The following PTGER3 variants were observed in gnomAD, a reference collection of about 807,000 sequenced individuals.
PTGER3 encodes prostaglandin E2 receptor EP3 subtype.
In PTGER3, 22 loss-of-function variants were observed where a neutral mutation model predicts 34.7. The observed-to-expected ratio is 0.63, with a 90% CI of 0.45 to 0.91. The LOEUF is 0.91. PTGER3 is among the 40% of genes least tolerant of loss of function. PTGER3 has a pLI of 0.00. For synonymous variants in PTGER3, 241 were observed against 230.1 expected (o/e 1.05, Z -0.43); for missense variants, 468 against 519.4 (o/e 0.90, Z 0.96).
At chr1:71,036,496 G>A (rs1360241929) in intron 1 of PTGER3, among the ~76,000 whole-genome samples, 2 of 151,998 alleles carry the variant, frequency 1.3e-5, no homozygotes, top group Non-Finnish European at 2.9e-5. Flanking sequence ...TAGCCTGGGT[G>A]ACAGAGCAAG....
intron 2 of PTGER3, among the ~76,000 whole-genome samples, chr1:70,964,672 T>C (rs1652322418): frequency 6.6e-6 from 1 of 152,190 alleles, no homozygotes; most frequent in Non-Finnish European, 1.5e-5. Context: ...AAGATGAGAT[T>C]TGGGCAGGGA....
In PTGER3 at chr1:70,917,441, G is replaced by GTGTGTGTGTA. The variant is rs376536515; in HGVS notation, c.*23+36321_*23+36322insTACACACACA. 6.9e-3 allele frequency among the ~76,000 whole-genome samples: 945 copies of GTGTGTGTGTA among 137,404 alleles called. 5 individuals carry two copies. Among genetic ancestry groups the GTGTGTGTGTA allele is most frequent in the African/African-American group, 0.028 (904 of 32,142 alleles). 90.1% of individuals were successfully genotyped at this position (137,404 alleles called of 152,430 possible). On this transcript the variant is annotated intron_variant, in intron 4 of 4. Coordinates refer to the PTGER3 transcript ENST00000370931. ...TGTGTGTGTGTGTGTGTGTGTGTGT[G>GTGTGTGTGTA]TATACAATCAATTCCATAGAATGGC...
intron 1 of PTGER3, among the ~76,000 whole-genome samples, chr1:71,015,663 C>T (rs918975717): frequency 6.6e-6 from 1 of 152,134 alleles, no homozygotes; most frequent in African/African-American, 2.4e-5. Context: ...CATAGGATTT[C>T]TGGTATTGCC....
chr1:71,036,000 C>G (rs966191827), intron 1 of PTGER3, among the ~76,000 whole-genome samples: 3 of 152,238 alleles, frequency 2.0e-5, no homozygotes, highest in African/African-American at 7.2e-5. Flanking sequence ...TCATAAAGTG[C>G]TCGTTTTTGA....
At chr1:70,948,041 G>T (rs1228053275), downstream of PTGER3, among the ~76,000 whole-genome samples, 2 of 152,148 alleles carry the variant, frequency 1.3e-5, no homozygotes, top group Non-Finnish European at 2.9e-5. Flanking sequence ...TGATGAAATG[G>T]TAGAGGTTTC....
At chr1:70,871,524 G>T (rs1646163387) in intron 4 of PTGER3, among the ~76,000 whole-genome samples, 2 of 152,108 alleles carry the variant, frequency 1.3e-5, no homozygotes. Context: ...GGTATTCCTG[G>T]TATTGAGTTC....
At chr1:70,883,546 T>C (rs1646436503) in intron 4 of PTGER3, among the ~76,000 whole-genome samples, 1 of 152,218 alleles carries the variant, frequency 6.6e-6, no homozygotes, top group African/African-American at 2.4e-5. Flanking sequence ...TTCTCTTAAA[T>C]GTTACAAGTA....
At chr1:70,920,030 CT>C (rs1647377821) in intron 4 of PTGER3, among the ~76,000 whole-genome samples, 1 of 152,238 alleles carries the variant, frequency 6.6e-6, no homozygotes, top group African/African-American at 2.4e-5. Flanking sequence ...ATTTTCTTGT[CT>C]TTTGCAAATA....
At chr1:70,882,525 C>A (rs1317721003) in intron 4 of PTGER3, among the ~76,000 whole-genome samples, 4 of 152,218 alleles carry the variant, frequency 2.6e-5, no homozygotes, top group Admixed American at 1.3e-4. Context: ...TTCTCCCAGA[C>A]ACTGCAAATG....
intron 4 of PTGER3, among the ~76,000 whole-genome samples, chr1:70,885,958 C>A (rs954588686): frequency 1.3e-5 from 2 of 152,086 alleles, no homozygotes; most frequent in Non-Finnish European, 2.9e-5. Context: ...TCAGGAATGA[C>A]CCTAAGTACT....
chr1:71,029,926 AAATAATAATAATAAT>A (rs3044586), intron 1 of PTGER3, among the ~76,000 whole-genome samples: 6 of 144,114 alleles, frequency 4.2e-5, no homozygotes, highest in African/African-American at 1.0e-4. Context: ...ACTCCATCTC[AAATAATAATAATAAT>A]AATAATAATA....
At chr1:70,868,968 G>T (rs574673125) in intron 4 of PTGER3, among the ~76,000 whole-genome samples, 3 of 152,106 alleles carry the variant, frequency 2.0e-5, no homozygotes, top group East Asian at 1.9e-4. Flanking sequence ...CCCAGAAGCT[G>T]GTTCCCCAGA....
At chr1:70,972,784 A>G (rs955472378) in intron 3 of PTGER3, among the ~76,000 whole-genome samples, 1 of 152,140 alleles carries the variant, frequency 6.6e-6, no homozygotes, top group African/African-American at 2.4e-5. Context: ...ATATCATAAT[A>G]TTAACATAAG....
At chr1:70,983,099 A>T (rs1351215776) in intron 2 of PTGER3, among the ~76,000 whole-genome samples, 1 of 152,056 alleles carries the variant, frequency 6.6e-6, no homozygotes, top group Non-Finnish European at 1.5e-5. Context: ...GAGAGAGGAC[A>T]GCCACCTAGA....
At chr1:71,002,273 GTCTGTATTTTCATTA>G (rs1291260065) in intron 2 of PTGER3, 2 of 151,886 alleles carry the variant, frequency 1.3e-5, no homozygotes, top group African/African-American at 4.8e-5. Context: ...TAAAAAAAAA[GTCTGTATTTTCATTA>G]TCTCATTTAA....
intron 4 of PTGER3, among the ~76,000 whole-genome samples, chr1:70,913,068 G>T (rs2100401362): frequency 6.6e-6 from 1 of 151,992 alleles, no homozygotes; most frequent in African/African-American, 2.4e-5. Context: ...TTGAATTATA[G>T]ATAAGTTTTG....
intron 4 of PTGER3, among the ~76,000 whole-genome samples, chr1:70,879,657 T>G (rs939596953): frequency 6.6e-6 from 1 of 152,200 alleles, no homozygotes; most frequent in African/African-American, 2.4e-5. Context: ...TTTTTCTCTG[T>G]TCCTTTACTT....
At chr1:71,012,936 ATT>A (rs773697938) in intron 1 of PTGER3, among the ~76,000 whole-genome samples, 3 of 152,052 alleles carry the variant, frequency 2.0e-5, no homozygotes, top group Non-Finnish European at 4.4e-5. Context: ...TATTATTATT[ATT>A]ATTATTATTA....
chr1:71,004,734 T>A (rs920720883), intron 2 of PTGER3, among the ~76,000 whole-genome samples: 1 of 152,220 alleles, frequency 6.6e-6, no homozygotes, highest in Non-Finnish European at 1.5e-5. Context: ...GAGGCATCAA[T>A]AGAAAGATGA....
Sources: gnomAD v4.1 joint callset for allele counts (sites outside exome capture counted in the v4.1 genomes callset) on GRCh38, gnomAD v4.1.1 for gene constraint, MANE v1.5 for transcripts, NCBI Gene and HGNC (gene_info 2026-07-23, HGNC 2026-07-21) for gene names.